Variants in FER observed in about 807,000 individuals in gnomAD.
FER encodes the protein tyrosine-protein kinase Fer.
In FER, 63 loss-of-function variants were observed where a neutral mutation model predicts 111.0. The ratio of observed to expected loss-of-function variants is 0.57; its 90% CI spans 0.46 to 0.70. The LOEUF is 0.70. Among genes scored for constraint, FER ranks in the 30% least tolerant of loss-of-function variants. The pLI, the probability that FER is intolerant of heterozygous loss-of-function variation, is 0.00. For missense variants in FER, 914 were observed against 954.0 expected (o/e 0.96, Z 0.55); for synonymous variants, 327 against 313.9 (o/e 1.04, Z -0.44).
intron 6 of FER, 92 bp downstream of exon 6, chr5:108,868,042 A>G (rs1764247987): frequency 5.8e-6 from 7 of 1,201,510 alleles, no homozygotes; most frequent in Non-Finnish European, 7.0e-6. Flanking sequence ...CATAAGTTTT[A>G]TTATTAACCC....
At chr5:108,784,781 A>G (rs940605830) in intron 2 of FER, among the ~76,000 whole-genome samples, 1 of 152,210 alleles carries the variant, frequency 6.6e-6, no homozygotes, top group Non-Finnish European at 1.5e-5. Flanking sequence ...CAGCAGGAAC[A>G]TGTCCCTCAG....
chr5:109,006,957 A>G (rs1025423290), intron 13 of FER, among the ~76,000 whole-genome samples: 1 of 152,158 alleles, frequency 6.6e-6, no homozygotes, highest in Non-Finnish European at 1.5e-5. Context: ...TCAAAAGTTT[A>G]CTTAACTTTG....
Position 108,878,941 on chromosome 5 carries a change from TTA to T in FER, c.924-4453_924-4452del, listed in dbSNP as rs1186510282. ...CAGGATTTAAGCTGCTTGGGCTCTATTATCAGCTTTTCCCACTTACCGGCTCT... is the reference window on the plus strand; with the variant it reads ...CAGGATTTAAGCTGCTTGGGCTCTATTCAGCTTTTCCCACTTACCGGCTCT... On this transcript the variant is annotated intron_variant, in intron 8 of 19. Transcript: ENST00000281092. 2.0e-5 allele frequency among the ~76,000 whole-genome samples: 3 copies of T among 152,160 alleles called. No homozygotes were observed. In the East Asian group the frequency reaches 5.8e-4, roughly 29 times the overall value.
chr5:108,967,246 A>G (rs1157424880), intron 13 of FER, among the ~76,000 whole-genome samples: 2 of 152,164 alleles, frequency 1.3e-5, no homozygotes, highest in Admixed American at 1.3e-4. Context: ...TTGAAGGGTG[A>G]TGAGGGCAGA....
At chr5:109,178,361 T>C (rs1397875809) in intron 17 of FER, among the ~76,000 whole-genome samples, 1 of 152,230 alleles carries the variant, frequency 6.6e-6, no homozygotes, top group Non-Finnish European at 1.5e-5. Context: ...CATAGAACCG[T>C]GATTCTCATT....
At chr5:109,091,898 A>T (rs974391364) in intron 16 of FER, among the ~76,000 whole-genome samples, 14 of 152,228 alleles carry the variant, frequency 9.2e-5, no homozygotes, top group Non-Finnish European at 1.6e-4. Context: ...TTATTTATTA[A>T]GAAATTTATT....
intron 1 of FER, among the ~76,000 whole-genome samples, chr5:108,757,570 G>T (rs190669194): frequency 1.3e-3 from 200 of 152,224 alleles, no homozygotes; most frequent in African/African-American, 4.3e-3. Flanking sequence ...AAGTTAATTT[G>T]TGAAACATTT....
rs898754695 is a variant in FER, at chr5:108,792,226, G to A, written c.-59-5898G>A. Among the ~76,000 whole-genome samples the A allele has an allele frequency of 1.8e-4, 28 of 152,174 alleles. 1 individual carries two copies. Among genetic ancestry groups the A allele is most frequent in the Admixed American group, 1.6e-3 (25 of 15,278 alleles). On this transcript the variant is annotated intron_variant, in intron 2 of 19. Transcript: ENST00000281092. ...GTCAAGTTCTATAAAAAAGCTAGCC[G>A]AGATATTAATATGGATTGTGTTAAA...
intron 13 of FER, among the ~76,000 whole-genome samples, chr5:109,012,043 C>T (rs967129656): frequency 1.8e-4 from 27 of 152,312 alleles, no homozygotes; most frequent in African/African-American, 6.5e-4. Context: ...ATCTTTAGCC[C>T]TCAGTCCTTG....
In FER at chr5:108,977,038, T is replaced by A. The variant is rs77279155; in HGVS notation, c.1656+17691T>A. On this transcript the variant is annotated intron_variant, in intron 13 of 19. Transcript: ENST00000281092. Reference sequence around the variant, plus strand: ...CACTTTTTACTGTGATAGAGTTTAGTACAGAGACAAACTGCTCACACAGAG... The same window carrying A: ...CACTTTTTACTGTGATAGAGTTTAGAACAGAGACAAACTGCTCACACAGAG... Among the ~76,000 whole-genome samples, 238 of 152,316 alleles carry A rather than the reference T, an allele frequency of 1.6e-3. 2 individuals carry two copies. The East Asian group carries it at 0.023, about 15-fold the overall frequency.
At chr5:109,096,928 G>T (rs2150057254) in intron 16 of FER, among the ~76,000 whole-genome samples, 1 of 148,038 alleles carries the variant, frequency 6.8e-6, no homozygotes, top group East Asian at 2.0e-4. Flanking sequence ...AATAGTAATA[G>T]TATAAATAGT....
At chr5:108,882,918 G>T (rs933404747) in intron 8 of FER, among the ~76,000 whole-genome samples, 1 of 151,706 alleles carries the variant, frequency 6.6e-6, no homozygotes, top group Non-Finnish European at 1.5e-5. Flanking sequence ...TGTGAAAATA[G>T]AAATAGCTTA....
chr5:108,804,213 A>G (rs1756965122), intron 3 of FER, among the ~76,000 whole-genome samples: 1 of 152,134 alleles, frequency 6.6e-6, no homozygotes, highest in African/African-American at 2.4e-5. Flanking sequence ...GAAGTCGTTT[A>G]TCAGTTTCAG....
intron 13 of FER, among the ~76,000 whole-genome samples, chr5:108,998,880 G>A (rs924695424): frequency 6.6e-6 from 1 of 151,858 alleles, no homozygotes; most frequent in Admixed American, 6.6e-5. Flanking sequence ...GAGGATTTTT[G>A]CCTCGATGTT....
chr5:108,790,186 A>G (rs1004947862), intron 2 of FER, among the ~76,000 whole-genome samples: 1 of 151,802 alleles, frequency 6.6e-6, no homozygotes, highest in African/African-American at 2.4e-5. Flanking sequence ...TGGACAACAT[A>G]GGGAGATCCC....
At chr5:108,824,429 A>G (rs568434918) in intron 3 of FER, among the ~76,000 whole-genome samples, 27 of 152,168 alleles carry the variant, frequency 1.8e-4, no homozygotes, top group African/African-American at 5.5e-4. Flanking sequence ...CAATTCATGA[A>G]CGTAAACATA....
At chr5:109,123,070 G>A (rs1320933453) in intron 17 of FER, among the ~76,000 whole-genome samples, 1 of 151,066 alleles carries the variant, frequency 6.6e-6, no homozygotes, top group Non-Finnish European at 1.5e-5. Flanking sequence ...TATATTCAAT[G>A]TTATTGTTAA....
chr5:108,784,278 G>A (rs982044508), intron 2 of FER: 11 of 153,018 alleles, frequency 7.2e-5, no homozygotes, highest in Non-Finnish European at 1.5e-4. Context: ...GCTCTGTGGG[G>A]TCACTCCCAC....
At chr5:108,768,408 T>C (rs1252521542) in intron 2 of FER, among the ~76,000 whole-genome samples, 170 bp downstream of exon 2, 1 of 152,248 alleles carries the variant, frequency 6.6e-6, no homozygotes, top group African/African-American at 2.4e-5. Flanking sequence ...GCTTGTCATC[T>C]ATCCCAATGA....
Sources: allele counts gnomAD v4.1 joint callset (sites outside exome capture counted in the v4.1 genomes callset), GRCh38; gene constraint gnomAD v4.1.1; transcripts MANE v1.5; gene names NCBI Gene and HGNC (gene_info 2026-07-23, HGNC 2026-07-21).